Variants in NFX1 observed in about 807,000 individuals in gnomAD.
NFX1 encodes nuclear transcription factor, X-box binding 1, also known as transcriptional repressor NF-X1.
A neutral mutation model predicts 137.2 loss-of-function variants in NFX1; 69 were observed. The observed-to-expected ratio is 0.50, with a 90% CI of 0.41 to 0.61. NFX1 has a LOEUF of 0.61. Ranked by LOEUF, NFX1 falls within the 20% of genes least tolerant of loss-of-function variation. NFX1 has a pLI of 0.00. For missense variants in NFX1, 1,167 were observed against 1,391.0 expected (o/e 0.84, Z 2.56); for synonymous variants, 495 against 474.1 (o/e 1.04, Z -0.57).
At chr9:33,342,980 G>A (rs1823283381) in intron 13 of NFX1, 126 bp downstream of exon 13, 1 of 659,360 alleles carries the variant, frequency 1.5e-6, no homozygotes, top group Non-Finnish European at 2.5e-6. Context: ...TTTCCAATAT[G>A]TTGAGACTTT....
chr9:33,308,531 G>A (rs1821844563), intron 5 of NFX1, among the ~76,000 whole-genome samples: 1 of 152,170 alleles, frequency 6.6e-6, no homozygotes, highest in Admixed American at 6.5e-5. Flanking sequence ...CAGTTGATCA[G>A]TTACAAATAA....
intron 11 of NFX1, among the ~76,000 whole-genome samples, chr9:33,337,918 G>A (rs564297891): frequency 7.3e-5 from 11 of 151,508 alleles, no homozygotes; most frequent in East Asian, 1.9e-4. Flanking sequence ...GCGTGGTGGC[G>A]CACACCTGTA....
intron 11 of NFX1, among the ~76,000 whole-genome samples, chr9:33,336,469 C>T (rs771924547): frequency 6.6e-6 from 1 of 152,174 alleles, no homozygotes; most frequent in African/African-American, 2.4e-5. Context: ...CTGCCTCAGC[C>T]TCTCAAAGTG....
intron 11 of NFX1, 46 bp downstream of exon 11, chr9:33,332,548 C>A: frequency 7.2e-7 from 1 of 1,384,526 alleles, no homozygotes; most frequent in South Asian, 1.2e-5. Context: ...GTGAAAGTGT[C>A]GTCACTCTGA....
intron 9 of NFX1, among the ~76,000 whole-genome samples, chr9:33,322,483 A>C (rs1385969692): frequency 6.6e-6 from 1 of 151,808 alleles, no homozygotes; most frequent in Admixed American, 6.6e-5. Context: ...TACCCCTCCA[A>C]CTCCAAGTTG....
chr9:33,315,824 G>T (rs1448903261), intron 7 of NFX1, among the ~76,000 whole-genome samples: 1 of 151,766 alleles, frequency 6.6e-6, no homozygotes, highest in Non-Finnish European at 1.5e-5. Flanking sequence ...CCCAGGAGGC[G>T]GAGGTTGCAG....
chr9:33,328,518 T>C, intron 9 of NFX1, 63 bp from the exon 10 acceptor site: 1 of 1,267,174 alleles, frequency 7.9e-7, no homozygotes, highest in African/African-American at 1.5e-5. Flanking sequence ...GGCTAGCAAA[T>C]TTGGGAGTAT....
intron 18 of NFX1, 34 bp downstream of exon 18, chr9:33,354,221 C>T (rs1033421633): frequency 6.6e-7 from 1 of 1,523,602 alleles, no homozygotes; most frequent in Non-Finnish European, 9.0e-7. Context: ...TGCCTTCTTT[C>T]TTCAATTAGA....
intron 23 of NFX1, among the ~76,000 whole-genome samples, chr9:33,369,310 G>A (rs962247480): frequency 5.3e-5 from 8 of 152,072 alleles, no homozygotes; most frequent in African/African-American, 7.2e-5. Flanking sequence ...TGATCCGTCC[G>A]CCTTGGCCTC....
intron 4 of NFX1, among the ~76,000 whole-genome samples, chr9:33,304,133 A>C (rs541936423): frequency 6.6e-6 from 1 of 152,160 alleles, no homozygotes; most frequent in South Asian, 2.1e-4. Context: ...ATAGTGTTGC[A>C]TGTCTGTAAT....
At chr9:33,315,763 G>A (rs1412434622) in intron 7 of NFX1, among the ~76,000 whole-genome samples, 4 of 151,642 alleles carry the variant, frequency 2.6e-5, no homozygotes, top group Admixed American at 1.3e-4. Context: ...ATGGTGGCAT[G>A]TATCTGTAGT....
intron 11 of NFX1, among the ~76,000 whole-genome samples, chr9:33,334,245 A>G (rs568477107): frequency 7.9e-5 from 12 of 152,310 alleles, no homozygotes; most frequent in Admixed American, 7.8e-4. Flanking sequence ...ACTTAAAGCC[A>G]GGAGTTCAAG....
At chr9:33,353,821 G>A (rs1160384846) in intron 17 of NFX1, among the ~76,000 whole-genome samples, 1 of 151,492 alleles carries the variant, frequency 6.6e-6, no homozygotes, top group African/African-American at 2.4e-5. Flanking sequence ...CCTGAGTAGC[G>A]GGGATCACAG....
chr9:33,338,655 G>A, intron 12 of NFX1, 66 bp downstream of exon 12: 1 of 1,400,616 alleles, frequency 7.1e-7, no homozygotes. Context: ...GGAAGCCTGA[G>A]CCATGTGGAG....
At chr9:33,349,168 A>G (rs573195235) in intron 15 of NFX1, among the ~76,000 whole-genome samples, 93 of 152,320 alleles carry the variant, frequency 6.1e-4, no homozygotes, top group Middle Eastern at 3.4e-3. Context: ...AGTACCTACT[A>G]TGTGCTAGGT....
chr9:33,299,531 C>CA (rs1436131135), intron 2 of NFX1, among the ~76,000 whole-genome samples: 1 of 152,026 alleles, frequency 6.6e-6, no homozygotes, highest in Admixed American at 6.5e-5. Context: ...CAAAAACTAA[C>CA]AAAAAAATCA....
Position 33,320,414 on chromosome 9 carries a change from A to C in NFX1, c.1906+1287A>C, listed in dbSNP as rs936735383. Among the ~76,000 whole-genome samples, 10 of 152,284 alleles carry C rather than the reference A, an allele frequency of 6.6e-5. No homozygotes were observed. In the East Asian group the frequency reaches 1.7e-3, roughly 26 times the overall value. The stretch of plus-strand genomic sequence containing the variant: ...ATGCAGTGGTGCCCTTGGCCTGCTG[A>C]GGTTTCTCAGACTGATGCCCCATAC... On this transcript the variant is annotated intron_variant, in intron 9 of 23. Coordinates refer to ENST00000379540, the MANE Select transcript of NFX1 (RefSeq NM_002504.6).
Position 33,351,852 on chromosome 9 carries a change from GAACT to G in NFX1, c.2655+63_2655+66del. ...AGTTCTGAGGCTACTAGTGAATCCA[GAACT>G]GTCTACAGTGGCCCCTGGGCATGCA... On this transcript the variant is annotated intron_variant, in intron 16 of 23. Transcript: ENST00000379540. 4 of 1,408,186 alleles carry G rather than the reference GAACT, an allele frequency of 2.8e-6. No homozygotes were observed. In the African/African-American group the frequency reaches 5.7e-5, roughly 20 times the overall value. 87.2% of individuals were successfully genotyped at this position (1,408,186 alleles called of 1,614,324 possible).
Position 33,303,287 on chromosome 9 carries a change from A to G in NFX1, c.1270+19A>G. On this transcript the variant is annotated intron_variant, in intron 4 of 23. Transcript: ENST00000379540. ...TTCTGTGGTAAGTTTGTTTATATAC[A>G]CTGGAGTCTCTTTTACTACATACAT... The G allele has an allele frequency of 1.9e-6, 3 of 1,603,828 alleles. No individual in the cohort carries two copies. Among genetic ancestry groups the G allele is most frequent in the Non-Finnish European group, 2.6e-6 (3 of 1,170,756 alleles).
Sources: gnomAD v4.1 joint callset for allele counts (sites outside exome capture counted in the v4.1 genomes callset) on GRCh38, gnomAD v4.1.1 for gene constraint, MANE v1.5 for transcripts, NCBI Gene and HGNC (gene_info 2026-07-23, HGNC 2026-07-21) for gene names.